The following RP1 variants were observed in gnomAD, a reference collection of about 807,000 sequenced individuals.
The protein encoded by RP1 is oxygen-regulated protein 1.
RP1 carries 16 observed loss-of-function variants against 14.8 expected under a neutral mutation model. That is an observed-to-expected ratio of 1.08 (90% CI 0.73 to 1.65). RP1 has a LOEUF of 1.65. Ranked by LOEUF, RP1 falls within the 40% of genes most tolerant of loss-of-function variation. The pLI, the probability that RP1 is intolerant of heterozygous loss-of-function variation, is 0.00. For missense variants in RP1, 2,631 were observed against 2,535.0 expected (o/e 1.04, Z -0.81); for synonymous variants, 876 against 883.6 (o/e 0.99, Z 0.15).
At chr8:54,646,250 T>C (rs1448675797) in intron 3 of RP1, among the ~76,000 whole-genome samples, 1 of 152,034 alleles carries the variant, frequency 6.6e-6, no homozygotes, top group African/African-American at 2.4e-5. Context: ...TTTCTTTTTT[T>C]TGGCTTCTTA....
chr8:54,838,531 ATG>A (rs1811716603), intron 25 of RP1, among the ~76,000 whole-genome samples: 1 of 152,078 alleles, frequency 6.6e-6, no homozygotes, highest in Non-Finnish European at 1.5e-5. Context: ...GCGTGACAGA[ATG>A]TATGCATGTG....
chr8:54,708,026 C>A (rs1176792376), intron 15 of RP1, among the ~76,000 whole-genome samples: 1 of 152,140 alleles, frequency 6.6e-6, no homozygotes, highest in Non-Finnish European at 1.5e-5. Context: ...TTCAGTTACC[C>A]CCTAGGACAG....
chr8:54,588,279 T>C (rs1180056832), intron 1 of RP1, among the ~76,000 whole-genome samples: 1 of 152,086 alleles, frequency 6.6e-6, no homozygotes, highest in Non-Finnish European at 1.5e-5. Context: ...TCAGGGAAGA[T>C]TGCAATAAAA....
downstream of RP1, among the ~76,000 whole-genome samples, chr8:54,774,095 G>C (rs1030034538): frequency 6.6e-6 from 1 of 152,154 alleles, no homozygotes; most frequent in Non-Finnish European, 1.5e-5. Flanking sequence ...CATGCATTCT[G>C]AGTCAACTAT....
At chr8:54,755,722 C>T (rs1406086833) in exon 21 of RP1, 1 of 1,535,210 alleles carries the variant, frequency 6.5e-7, no homozygotes, top group East Asian at 2.4e-5. Flanking sequence ...ACTCTGGCCT[C>T]AGACAGCTGT....
At chr8:54,706,796 G>A (rs1335672392) in intron 15 of RP1, 19 of 807,630 alleles carry the variant, frequency 2.4e-5, no homozygotes, top group Non-Finnish European at 3.7e-5. Flanking sequence ...TTTAATAAGT[G>A]AGGAGAGCAG....
At chr8:54,830,095 T>C (rs1238266861) in intron 24 of RP1, among the ~76,000 whole-genome samples, 1 of 152,186 alleles carries the variant, frequency 6.6e-6, no homozygotes. Flanking sequence ...ACTTATTTTT[T>C]GTAAATATCT....
intron 1 of RP1, among the ~76,000 whole-genome samples, chr8:54,579,690 T>A (rs1009947266): frequency 3.3e-5 from 5 of 152,178 alleles, no homozygotes; most frequent in Non-Finnish European, 5.9e-5. Flanking sequence ...CTAAATGTGG[T>A]CATTGTGCAT....
At chr8:54,747,402 A>G (rs1452781931) in intron 19 of RP1, among the ~76,000 whole-genome samples, 1 of 152,182 alleles carries the variant, frequency 6.6e-6, no homozygotes, top group Non-Finnish European at 1.5e-5. Context: ...TATTTTCTTT[A>G]TAACACATCC....
chr8:54,739,421 C>T (rs972244869), intron 19 of RP1, among the ~76,000 whole-genome samples: 1 of 151,898 alleles, frequency 6.6e-6, no homozygotes, highest in Non-Finnish European at 1.5e-5. Flanking sequence ...GAGGACCATC[C>T]GTATTGTAAA....
At chr8:54,587,527 A>T (rs1372843547) in intron 1 of RP1, among the ~76,000 whole-genome samples, 1 of 152,128 alleles carries the variant, frequency 6.6e-6, no homozygotes, top group Non-Finnish European at 1.5e-5. Context: ...GGAGGTGAAA[A>T]TCCTCCCTCT....
intron 24 of RP1, among the ~76,000 whole-genome samples, chr8:54,814,167 G>T (rs569086670): frequency 8.8e-4 from 134 of 152,182 alleles, no homozygotes; most frequent in Middle Eastern, 6.8e-3. Context: ...CTTTTGACTT[G>T]GTTTTGGATG....
At position 54,629,782 on chromosome 8, in the gene RP1, T is replaced by C. The variant is rs1183818163; in HGVS notation, c.5900T>C (p.Phe1967Ser). 2.5e-6 allele frequency: 4 copies of C among 1,610,438 alleles called. No individual in the cohort carries two copies. Among genetic ancestry groups the C allele is most frequent in the Non-Finnish European group, 2.5e-6 (3 of 1,178,358 alleles). Residue 1967 changes from phenylalanine (F) to serine (S), a missense_variant, in exon 4 of 4, where the codon TTC becomes TCC. Transcript: ENST00000220676. ...PYLLQTDKNV[F>S]REENNKASMR... The stretch of plus-strand genomic sequence containing the variant: ...TTACTTCAGACAGACAAAAATGTGT[T>C]CAGGGAAGAGAACAATAAAGCAAGT...
intron 8 of RP1, among the ~76,000 whole-genome samples, chr8:54,674,715 A>G (rs80315479): frequency 0.03 from 4,374 of 147,654 alleles, 123 homozygotes; most frequent in African/African-American, 0.064. Context: ...ACTAAAAAAT[A>G]TATACTTATA....
At chr8:54,789,654 T>C (rs1009524502) in intron 24 of RP1, among the ~76,000 whole-genome samples, 2 of 152,186 alleles carry the variant, frequency 1.3e-5, no homozygotes, top group African/African-American at 4.8e-5. Context: ...GCCTATGGTC[T>C]TGCTAAATTG....
At chr8:54,755,888 A>G in intron 21 of RP1, 1 of 1,026,298 alleles carries the variant, frequency 9.7e-7, no homozygotes, top group Non-Finnish European at 1.3e-6. Context: ...AGACATCTTT[A>G]ACACATTTTC....
chr8:54,603,168 T>C, intron 1 of RP1, among the ~76,000 whole-genome samples: 1 of 152,236 alleles, frequency 6.6e-6, no homozygotes, highest in East Asian at 1.9e-4. Flanking sequence ...TTTATGGTTT[T>C]AGGTCTAACA....
chr8:54,713,624 A>G (rs1408035259), intron 15 of RP1, among the ~76,000 whole-genome samples: 1 of 152,206 alleles, frequency 6.6e-6, no homozygotes, highest in African/African-American at 2.4e-5. Context: ...ATTAAAGGTA[A>G]TTCATATTTA....
chr8:54,857,040 TC>T lies in RP1; in HGVS notation c.4005del (p.Ile1336LeufsTer9). Reference sequence around the variant, plus strand: ...CTTTATTGTACAGGTTGATATTTTTTCCATTAAGGCTGTATCTCTCGGAAAA... The same window carrying T: ...CTTTATTGTACAGGTTGATATTTTTTCATTAAGGCTGTATCTCTCGGAAAA... On this transcript the variant is annotated frameshift_variant, in exon 27 of 29. Transcript: ENST00000637698. LOFTEE classifies it high-confidence loss of function. The T allele has an allele frequency of 1.7e-6, 2 of 1,180,324 alleles. No individual in the cohort carries two copies. The highest frequency in any genetic ancestry group is 2.1e-6 in the Non-Finnish European group (2 of 942,032). The allele number at this position is 1,180,324 out of a possible 1,614,324, so 73.1% of individuals were successfully genotyped here. A position where few individuals can be genotyped will look rare whatever the true frequency, so the allele number is the denominator to read the frequency against.
Sources: allele counts gnomAD v4.1 joint callset (sites outside exome capture counted in the v4.1 genomes callset), GRCh38; gene constraint gnomAD v4.1.1; transcripts MANE v1.5; gene names NCBI Gene and HGNC (gene_info 2026-07-23, HGNC 2026-07-21).